Variants in COL24A1 observed in about 807,000 individuals in gnomAD.
The protein encoded by COL24A1 is collagen type XXIV alpha 1 chain, also known as collagen alpha-1(XXIV) chain.
In COL24A1, 224 loss-of-function variants were observed where a neutral mutation model predicts 253.9. That is an observed-to-expected ratio of 0.88 (90% CI 0.79 to 0.99). The LOEUF is 0.99. Among genes scored for constraint, COL24A1 ranks in the 50% least tolerant of loss-of-function variants. The pLI, the probability that COL24A1 is intolerant of heterozygous loss-of-function variation, is 0.00. For missense variants in COL24A1, 2,131 were observed against 2,068.5 expected (o/e 1.03, Z -0.59); for synonymous variants, 685 against 673.7 (o/e 1.02, Z -0.26).
intron 37 of COL24A1, 32 bp from the exon 38 acceptor site, chr1:85,849,438 T>C: frequency 2.6e-6 from 4 of 1,533,050 alleles, no homozygotes; most frequent in Non-Finnish European, 3.6e-6. Context: ...AGGAAATAAA[T>C]GGTTAAAGAA....
intron 1 of COL24A1, chr1:86,155,342 C>G (rs1018839231): frequency 1.3e-5 from 2 of 152,840 alleles, no homozygotes; most frequent in Admixed American, 6.5e-5. Context: ...CTCCGCCTGC[C>G]CTCAGCTGAC....
At chr1:86,055,309 C>T (rs576401082) in intron 10 of COL24A1, among the ~76,000 whole-genome samples, 1 of 152,266 alleles carries the variant, frequency 6.6e-6, no homozygotes, top group African/African-American at 2.4e-5. Flanking sequence ...TTTAAATCTA[C>T]ATTTGAGACC....
At chr1:85,980,283 A>G (rs1693118035) in intron 20 of COL24A1, among the ~76,000 whole-genome samples, 1 of 152,206 alleles carries the variant, frequency 6.6e-6, no homozygotes, top group Admixed American at 6.5e-5. Flanking sequence ...GAACAAGACA[A>G]GGATGCCGAC....
In COL24A1 at chr1:86,124,725, A is replaced by G. The variant is rs1572003939; in HGVS notation, c.1491+120T>C. 1.3e-5 allele frequency: 9 copies of G among 689,322 alleles called. No individual in the cohort carries two copies. In the East Asian group the frequency reaches 2.8e-4, roughly 21 times the overall value. The allele number at this position is 689,322 out of a possible 1,614,324, so 42.7% of individuals were successfully genotyped here. A position where few individuals can be genotyped will look rare whatever the true frequency, so the allele number is the denominator to read the frequency against. On this transcript the variant is annotated intron_variant, in intron 3 of 59. Coordinates refer to ENST00000370571, the MANE Select transcript of COL24A1 (RefSeq NM_152890.7). ...ATTTACTGTGCCAGAATGCATTTCCATGACAGACTTTATCTGTTATGTATT... is the reference window on the plus strand; with the variant it reads ...ATTTACTGTGCCAGAATGCATTTCCGTGACAGACTTTATCTGTTATGTATT...
Position 86,126,077 on chromosome 1 carries a change from C to A in COL24A1, c.259G>T (p.Asp87Tyr). 2 of 1,613,552 alleles carry A rather than the reference C, an allele frequency of 1.2e-6. No individual in the cohort carries two copies. The highest frequency in any genetic ancestry group is 1.1e-5 in the South Asian group (1 of 91,068). Reference sequence around the variant, plus strand: ...ACGAAAGGTGTCTCGATATAAGCATCATTTTTAAAAATGACTCCTGATTCT... The same window carrying A: ...ACGAAAGGTGTCTCGATATAAGCATAATTTTTAAAAATGACTCCTGATTCT... ...LTESGVIFKNDAYIETPFVKI... is the reference protein window; with the variant it reads ...LTESGVIFKNYAYIETPFVKI... The change falls in exon 3 of 60, where the codon GAT becomes TAT. Residue 87 changes from aspartate (D) to tyrosine (Y), a missense_variant. By Grantham distance (160) the Asp-to-Tyr change is radical (BLOSUM62 -3). Transcript: ENST00000370571.
chr1:86,000,917 G>A (rs868160425), intron 19 of COL24A1, among the ~76,000 whole-genome samples: 3 of 152,192 alleles, frequency 2.0e-5, no homozygotes, highest in South Asian at 2.1e-4. Context: ...GTGCTCTGCT[G>A]CCAGAACTGA....
rs74668344 is a variant in COL24A1, at chr1:85,823,372, T to A, written c.3789+164A>T. On this transcript the variant is annotated intron_variant, in intron 45 of 59. Coordinates refer to ENST00000370571, the MANE Select transcript of COL24A1 (RefSeq NM_152890.7). ...AAATGACTCAATCAATAATTTTGTATTAGCACAATTATTGAAAAACACCCT... is the reference window on the plus strand; with the variant it reads ...AAATGACTCAATCAATAATTTTGTAATAGCACAATTATTGAAAAACACCCT... Among the ~76,000 whole-genome samples, 505 of 152,302 alleles carry A rather than the reference T, an allele frequency of 3.3e-3. 8 individuals are homozygous for A. The East Asian group carries it at 0.039, about 12-fold the overall frequency.
chr1:86,012,094 C>T (rs1696545611), intron 19 of COL24A1, among the ~76,000 whole-genome samples: 1 of 151,762 alleles, frequency 6.6e-6, no homozygotes, highest in Non-Finnish European at 1.5e-5. Flanking sequence ...GCTGGGATTA[C>T]AAGCATAAGC....
At chr1:86,046,898 T>C in intron 11 of COL24A1, 29 bp from the exon 12 acceptor site, 1 of 1,230,346 alleles carries the variant, frequency 8.1e-7, no homozygotes, top group African/African-American at 1.5e-5. Context: ...AAAGGAAATA[T>C]TTGTTGAATG....
intron 47 of COL24A1, among the ~76,000 whole-genome samples, chr1:85,810,729 C>G (rs1672445535): frequency 6.6e-6 from 1 of 152,140 alleles, no homozygotes; most frequent in South Asian, 2.1e-4. Context: ...TTGCTTGTTA[C>G]TGCTTTCACC....
chr1:85,757,561 A>G (rs1274102474), intron 55 of COL24A1, among the ~76,000 whole-genome samples: 9 of 125,394 alleles, frequency 7.2e-5, no homozygotes, highest in Admixed American at 6.8e-4. Context: ...CGACAACTCA[A>G]TAAAAAGGCA....
At chr1:86,152,317 G>A (rs184530384) in intron 1 of COL24A1, among the ~76,000 whole-genome samples, 2 of 152,220 alleles carry the variant, frequency 1.3e-5, no homozygotes, top group Non-Finnish European at 2.9e-5. Context: ...GGGCTGAAAT[G>A]ATGCCATACT....
intron 43 of COL24A1, among the ~76,000 whole-genome samples, chr1:85,833,465 A>G (rs1675596662): frequency 6.6e-6 from 1 of 152,196 alleles, no homozygotes; most frequent in African/African-American, 2.4e-5. Context: ...GTCAGGAAAC[A>G]ACAGGTGCTG....
intron 55 of COL24A1, among the ~76,000 whole-genome samples, chr1:85,755,904 T>C: frequency 2.1e-5 from 1 of 46,586 alleles, no homozygotes; most frequent in Non-Finnish European, 5.6e-5. Flanking sequence ...TTAGACTATA[T>C]CAGAAAAAAA....
At position 85,784,289 on chromosome 1, in the gene COL24A1, T is replaced by A. The variant is rs1669443284; in HGVS notation, c.4137A>T (p.Pro1379=). 1.9e-5 allele frequency: 31 copies of A among 1,614,096 alleles called. No individual in the cohort carries two copies. The highest frequency in any genetic ancestry group is 2.6e-5 in the Non-Finnish European group (31 of 1,179,970). The stretch of plus-strand genomic sequence containing the variant: ...GCCCTTTCAGGCCAGGGTCTCCACA[T>A]GGTCCTTGATCACCTTGTGCTCCTC... ...GHRGAQGDQG[P]CGDPGLKGQP... The change falls in exon 49 of 60, where the codon CCA becomes CCT. Residue 1379 remains proline (P), a synonymous_variant. Transcript: ENST00000370571.
At chr1:86,073,760 A>G (rs1015489967) in intron 7 of COL24A1, among the ~76,000 whole-genome samples, 1 of 152,230 alleles carries the variant, frequency 6.6e-6, no homozygotes, top group African/African-American at 2.4e-5. Context: ...CATCAGACTA[A>G]CAGCAGATCT....
At chr1:86,050,600 A>C (rs931401093) in intron 10 of COL24A1, among the ~76,000 whole-genome samples, 1 of 152,156 alleles carries the variant, frequency 6.6e-6, no homozygotes, top group Non-Finnish European at 1.5e-5. Context: ...GGAGATTACC[A>C]CTTGAGATAG....
intron 59 of COL24A1, among the ~76,000 whole-genome samples, chr1:85,732,234 CT>C (rs747341554): frequency 1.2e-3 from 172 of 145,922 alleles, no homozygotes; most frequent in Admixed American, 2.2e-3. Flanking sequence ...CTTTTCTTTT[CT>C]TTTTTTTTTT....
Position 85,828,172 on chromosome 1 carries a change from G to A in COL24A1, c.3682-4434C>T, listed in dbSNP as rs539334985. On this transcript the variant is annotated intron_variant, in intron 43 of 59. Coordinates refer to ENST00000370571, the MANE Select transcript of COL24A1 (RefSeq NM_152890.7). The stretch of plus-strand genomic sequence containing the variant: ...ACATCTTTATTTCTGCCTTCATTTC[G>A]TTATGTACCCAGTAGTCATTCAGGA... 5.1e-4 allele frequency among the ~76,000 whole-genome samples: 78 copies of A among 151,986 alleles called. 1 individual carries two copies. Among genetic ancestry groups the A allele is most frequent in the African/African-American group, 1.7e-3 (72 of 41,512 alleles).
Sources: allele counts gnomAD v4.1 joint callset (sites outside exome capture counted in the v4.1 genomes callset), GRCh38; gene constraint gnomAD v4.1.1; transcripts MANE v1.5; gene names NCBI Gene and HGNC (gene_info 2026-07-23, HGNC 2026-07-21).